Variants in CNTNAP2 observed in about 807,000 individuals in gnomAD.
CNTNAP2 encodes contactin-associated protein-like 2.
CNTNAP2 carries 98 observed loss-of-function variants against 155.2 expected under a neutral mutation model. The ratio of observed to expected loss-of-function variants is 0.63; its 90% CI spans 0.54 to 0.75. The LOEUF (loss-of-function observed/expected upper bound fraction) is 0.75. Among genes scored for constraint, CNTNAP2 ranks in the 30% least tolerant of loss-of-function variants. The pLI is 0.00. For synonymous variants in CNTNAP2, 651 were observed against 631.2 expected (o/e 1.03, Z -0.47); for missense variants, 1,727 against 1,688.1 (o/e 1.02, Z -0.40).
chr7:146,293,058 A>G (rs899246767), intron 1 of CNTNAP2, among the ~76,000 whole-genome samples: 1 of 152,186 alleles, frequency 6.6e-6, no homozygotes, highest in African/African-American at 2.4e-5. Context: ...GCTTGATTTA[A>G]TTATTCAATA....
intron 1 of CNTNAP2, among the ~76,000 whole-genome samples, chr7:146,154,175 A>G (rs1312220980): frequency 6.6e-6 from 1 of 152,186 alleles, no homozygotes; most frequent in African/African-American, 2.4e-5. Flanking sequence ...GATGGTTTGG[A>G]AAAATAGTGT....
chr7:146,221,203 A>G (rs1189678102), intron 1 of CNTNAP2, among the ~76,000 whole-genome samples: 1 of 152,146 alleles, frequency 6.6e-6, no homozygotes, highest in South Asian at 2.1e-4. Context: ...ACATCCTCAC[A>G]ATATCCTCCC....
chr7:147,341,792 AC>A, intron 9 of CNTNAP2, among the ~76,000 whole-genome samples: 1 of 151,910 alleles, frequency 6.6e-6, no homozygotes, highest in Non-Finnish European at 1.5e-5. Context: ...ACACACACAC[AC>A]ACACACACAA....
intron 13 of CNTNAP2, among the ~76,000 whole-genome samples, chr7:147,665,960 T>C (rs1486260282): frequency 6.6e-6 from 1 of 152,228 alleles, no homozygotes; most frequent in Non-Finnish European, 1.5e-5. Context: ...AGAGTTCTCA[T>C]TACTCTGTAT....
chr7:146,354,376 G>T (rs187332803), intron 1 of CNTNAP2, among the ~76,000 whole-genome samples: 1 of 151,432 alleles, frequency 6.6e-6, no homozygotes, highest in East Asian at 1.9e-4. Context: ...TGTAGACACA[G>T]GTATATTTTA....
At chr7:147,221,663 T>C (rs1019702599) in intron 8 of CNTNAP2, among the ~76,000 whole-genome samples, 2 of 152,244 alleles carry the variant, frequency 1.3e-5, no homozygotes, top group Non-Finnish European at 2.9e-5. Context: ...ATTTTATCTT[T>C]ACTTACTTCT....
At chr7:148,263,979 A>G (rs74423595) in intron 20 of CNTNAP2, among the ~76,000 whole-genome samples, 3,619 of 152,276 alleles carry the variant, frequency 0.024, 42 homozygotes, top group African/African-American at 0.031. Flanking sequence ...TGTGTGGGTC[A>G]TGCCAAACCT....
chr7:146,502,545 A>G (rs556066174), intron 1 of CNTNAP2, among the ~76,000 whole-genome samples: 2 of 151,938 alleles, frequency 1.3e-5, no homozygotes, highest in South Asian at 4.2e-4. Context: ...CCTCACCAAC[A>G]TTTATTATTT....
At chr7:146,416,599 T>C (rs1431569234) in intron 1 of CNTNAP2, among the ~76,000 whole-genome samples, 1 of 152,132 alleles carries the variant, frequency 6.6e-6, no homozygotes, top group East Asian at 1.9e-4. Context: ...AATATGCAGC[T>C]TATTATCTAA....
chr7:148,192,091 G>A (rs752431108), intron 18 of CNTNAP2, among the ~76,000 whole-genome samples: 1 of 152,184 alleles, frequency 6.6e-6, no homozygotes, highest in Non-Finnish European at 1.5e-5. Flanking sequence ...TTCCGTTAAT[G>A]TGTTTCAGGG....
chr7:146,506,750 G>T (rs1797390600), intron 1 of CNTNAP2, among the ~76,000 whole-genome samples: 1 of 152,302 alleles, frequency 6.6e-6, no homozygotes, highest in African/African-American at 2.4e-5. Context: ...CCTCCTTAGT[G>T]ATCACCATCC....
chr7:148,153,774 G>A (rs1805350823), intron 17 of CNTNAP2, among the ~76,000 whole-genome samples: 1 of 152,206 alleles, frequency 6.6e-6, no homozygotes. Flanking sequence ...TGGGCCCCCA[G>A]CCTGGGAGGC....
intron 1 of CNTNAP2, among the ~76,000 whole-genome samples, chr7:146,644,438 T>C (rs1799773302): frequency 6.6e-6 from 1 of 152,154 alleles, no homozygotes; most frequent in South Asian, 2.1e-4. Context: ...TTTGGTTCTG[T>C]TTATATGCTG....
chr7:146,451,939 C>T (rs1436019093), intron 1 of CNTNAP2, among the ~76,000 whole-genome samples: 2 of 147,902 alleles, frequency 1.4e-5, no homozygotes, highest in African/African-American at 2.6e-5. Flanking sequence ...GATGGAGTCT[C>T]ACTCTGTCAC....
chr7:147,503,298 C>A (rs1798851755), intron 11 of CNTNAP2, among the ~76,000 whole-genome samples: 1 of 152,182 alleles, frequency 6.6e-6, no homozygotes, highest in African/African-American at 2.4e-5. Context: ...GTCCCTGTGT[C>A]AGAATCTTTC....
At chr7:147,921,936 A>AT (rs1800288755) in intron 14 of CNTNAP2, among the ~76,000 whole-genome samples, 1 of 152,104 alleles carries the variant, frequency 6.6e-6, no homozygotes, top group Non-Finnish European at 1.5e-5. Flanking sequence ...ATGTGGTGGG[A>AT]TTTTAGAGCA....
chr7:147,084,951 A>G (rs139248743), intron 4 of CNTNAP2, among the ~76,000 whole-genome samples: 1 of 151,700 alleles, frequency 6.6e-6, no homozygotes, highest in African/African-American at 2.4e-5. Flanking sequence ...ACATTGATGA[A>G]ATATTTATAA....
chr7:146,269,905 G>A (rs2129083126), intron 1 of CNTNAP2, among the ~76,000 whole-genome samples: 1 of 152,224 alleles, frequency 6.6e-6, no homozygotes, highest in South Asian at 2.1e-4. Flanking sequence ...GTCCATCATT[G>A]CCTTTTTCAC....
At chr7:148,358,026 C>G (rs1199051753) in intron 21 of CNTNAP2, among the ~76,000 whole-genome samples, 1 of 152,066 alleles carries the variant, frequency 6.6e-6, no homozygotes, top group Admixed American at 6.6e-5. Flanking sequence ...TCCATCTAGT[C>G]AGGGAGAAAA....
Sources: allele counts gnomAD v4.1 joint callset (sites outside exome capture counted in the v4.1 genomes callset), GRCh38; gene constraint gnomAD v4.1.1; transcripts MANE v1.5; gene names NCBI Gene and HGNC (gene_info 2026-07-23, HGNC 2026-07-21).